AGBL4: variants seen among roughly 807,000 people sequenced by gnomAD.
The protein encoded by AGBL4 is AGBL carboxypeptidase 4.
AGBL4 carries 58 observed loss-of-function variants against 66.4 expected under a neutral mutation model. That is an observed-to-expected ratio of 0.87 (90% CI 0.71 to 1.09). AGBL4 has a LOEUF of 1.09. AGBL4 is among the 50% of genes least tolerant of loss of function. The pLI, the probability that AGBL4 is intolerant of heterozygous loss-of-function variation, is 0.00. For synonymous variants in AGBL4, 234 were observed against 222.9 expected (o/e 1.05, Z -0.44); for missense variants, 579 against 631.0 (o/e 0.92, Z 0.88).
chr1:48,788,610 T>TA lies in AGBL4; in HGVS notation c.634+78580dup, dbSNP rs137916207. Among the ~76,000 whole-genome samples the TA allele has an allele frequency of 8.1e-3, 1,238 of 152,354 alleles. 12 individuals carry two copies. Among genetic ancestry groups the TA allele is most frequent in the Non-Finnish European group, 0.013 (878 of 68,030 alleles). On this transcript the variant is annotated intron_variant, in intron 6 of 13. Coordinates refer to ENST00000371839, the MANE Select transcript of AGBL4 (RefSeq NM_032785.4). Reference sequence around the variant, plus strand: ...TTCTCAATCATAAAAAAGGATGAACTATGTTATGCCTTTCTGTTTCCATTT... The same window carrying TA: ...TTCTCAATCATAAAAAAGGATGAACTAATGTTATGCCTTTCTGTTTCCATTT...
At chr1:49,687,899 TACA>T (rs1216405751) in intron 3 of AGBL4, among the ~76,000 whole-genome samples, 1 of 152,216 alleles carries the variant, frequency 6.6e-6, no homozygotes, top group Non-Finnish European at 1.5e-5. Flanking sequence ...ACATATTGAA[TACA>T]ACACTTCCCT....
chr1:49,443,583 G>T (rs1450713218), intron 3 of AGBL4, among the ~76,000 whole-genome samples: 2 of 151,778 alleles, frequency 1.3e-5, no homozygotes, highest in Non-Finnish European at 2.9e-5. Context: ...TACATCTGTG[G>T]CTTCATTTCT....
At chr1:49,455,582 T>C (rs937226528) in intron 3 of AGBL4, among the ~76,000 whole-genome samples, 1 of 151,678 alleles carries the variant, frequency 6.6e-6, no homozygotes, top group Admixed American at 6.6e-5. Flanking sequence ...TTTTCTTTCA[T>C]AGAATGCTGA....
At chr1:49,514,700 T>A (rs2148790461) in intron 3 of AGBL4, among the ~76,000 whole-genome samples, 1 of 152,122 alleles carries the variant, frequency 6.6e-6, no homozygotes, top group Non-Finnish European at 1.5e-5. Flanking sequence ...TATAGATCAA[T>A]GGAACACAAC....
intron 3 of AGBL4, among the ~76,000 whole-genome samples, chr1:49,299,988 T>C (rs1240440134): frequency 6.6e-6 from 1 of 152,212 alleles, no homozygotes; most frequent in Non-Finnish European, 1.5e-5. Flanking sequence ...CACATCATTG[T>C]ACTTGATTTG....
chr1:49,359,256 G>A (rs892621597), intron 3 of AGBL4, among the ~76,000 whole-genome samples: 1 of 152,178 alleles, frequency 6.6e-6, no homozygotes, highest in Non-Finnish European at 1.5e-5. Context: ...AAAGAAAACT[G>A]CATTGGAATA....
intron 6 of AGBL4, among the ~76,000 whole-genome samples, chr1:48,778,399 C>G (rs979391611): frequency 2.0e-5 from 3 of 152,188 alleles, no homozygotes; most frequent in Non-Finnish European, 2.9e-5. Flanking sequence ...ATACCTTTCC[C>G]ATCCTCACAA....
At chr1:48,881,914 T>G (rs1459815487) in intron 5 of AGBL4, among the ~76,000 whole-genome samples, 2 of 152,164 alleles carry the variant, frequency 1.3e-5, no homozygotes, top group African/African-American at 2.4e-5. Context: ...CCATGAGGCT[T>G]TGAGAAAAGA....
intron 6 of AGBL4, among the ~76,000 whole-genome samples, chr1:48,751,065 A>G (rs1651659481): frequency 6.6e-6 from 1 of 152,152 alleles, no homozygotes; most frequent in Admixed American, 6.5e-5. Context: ...CTGATTCCAC[A>G]TGGCATAGAT....
At chr1:48,727,148 A>G (rs1438148319) in intron 6 of AGBL4, among the ~76,000 whole-genome samples, 1 of 152,260 alleles carries the variant, frequency 6.6e-6, no homozygotes, top group Non-Finnish European at 1.5e-5. Context: ...GAGATACAAG[A>G]TAGGATGAAA....
rs577662636 is a variant in AGBL4, at chr1:49,202,829, G to A, written c.377+42941C>T. 3.3e-5 allele frequency among the ~76,000 whole-genome samples: 5 copies of A among 152,026 alleles called. No homozygotes were observed. In the South Asian group the frequency reaches 6.2e-4, roughly 19 times the overall value. ...CAACAGAGTGAAAAGGCAACCTACA[G>A]AATGAGAGAAAATATTTGTGAACAA... On this transcript the variant is annotated intron_variant, in intron 4 of 13. Coordinates refer to ENST00000371839, the MANE Select transcript of AGBL4 (RefSeq NM_032785.4).
intron 3 of AGBL4, among the ~76,000 whole-genome samples, chr1:49,509,248 CAA>C (rs1648974845): frequency 6.6e-6 from 1 of 151,530 alleles, no homozygotes; most frequent in South Asian, 2.1e-4. Flanking sequence ...CACACAAAGG[CAA>C]AGAGATAGGA....
intron 1 of AGBL4, among the ~76,000 whole-genome samples, chr1:49,934,127 G>A (rs1323077486): frequency 6.6e-6 from 1 of 152,130 alleles, no homozygotes; most frequent in Admixed American, 6.5e-5. Flanking sequence ...TAAGTAGATA[G>A]CAATGTGTAC....
chr1:49,504,184 T>G (rs1466526430), intron 3 of AGBL4, among the ~76,000 whole-genome samples: 2 of 152,088 alleles, frequency 1.3e-5, no homozygotes, highest in Non-Finnish European at 2.9e-5. Context: ...CTCTCCTGCT[T>G]GCACTCACTT....
chr1:49,463,246 C>T (rs1646553882), intron 3 of AGBL4, among the ~76,000 whole-genome samples: 1 of 151,632 alleles, frequency 6.6e-6, no homozygotes, highest in Non-Finnish European at 1.5e-5. Flanking sequence ...GACTCTAGCC[C>T]ATGCCTGACA....
At chr1:48,746,765 A>C (rs1290078689) in intron 6 of AGBL4, among the ~76,000 whole-genome samples, 1 of 152,184 alleles carries the variant, frequency 6.6e-6, no homozygotes, top group Admixed American at 6.5e-5. Flanking sequence ...CAAAATGGGG[A>C]TTACCAAAAG....
intron 1 of AGBL4, among the ~76,000 whole-genome samples, chr1:49,979,437 C>T (rs1292520064): frequency 6.7e-6 from 1 of 150,352 alleles, no homozygotes; most frequent in Non-Finnish European, 1.5e-5. Flanking sequence ...GTCCGCAGTC[C>T]GGCCTGGGCG....
rs377485252 is a variant in AGBL4, at chr1:49,514,587, G to T, written c.282+182726C>A. Among the ~76,000 whole-genome samples the T allele has an allele frequency of 4.1e-4, 62 of 151,666 alleles. 1 individual carries two copies. The highest frequency in any genetic ancestry group is 8.3e-4 in the Non-Finnish European group (56 of 67,854). On this transcript the variant is annotated intron_variant, in intron 3 of 13. Coordinates refer to ENST00000371839, the MANE Select transcript of AGBL4 (RefSeq NM_032785.4). ...AGAGCCTGCATCACCAAGTCAATCC[G>T]AAGCCAAAAGAACAAAGCTGGAGGC...
chr1:49,827,244 G>GA (rs1557486227), intron 2 of AGBL4, among the ~76,000 whole-genome samples: 1 of 151,716 alleles, frequency 6.6e-6, no homozygotes, highest in Non-Finnish European at 1.5e-5. Context: ...GGGGGAGTAG[G>GA]AAAAAATACC....
Sources: gnomAD v4.1 joint callset for allele counts (sites outside exome capture counted in the v4.1 genomes callset) on GRCh38, gnomAD v4.1.1 for gene constraint, MANE v1.5 for transcripts, NCBI Gene and HGNC (gene_info 2026-07-23, HGNC 2026-07-21) for gene names.